The following SLC39A11 variants were observed in gnomAD, a reference collection of about 807,000 sequenced individuals.
The protein encoded by SLC39A11 is zinc transporter ZIP11.
In SLC39A11, 33 loss-of-function variants were observed where a neutral mutation model predicts 36.1. That is an observed-to-expected ratio of 0.91 (90% CI 0.69 to 1.22). SLC39A11 has a LOEUF of 1.22. SLC39A11 is among the 50% of genes most tolerant of loss of function. SLC39A11 has a pLI of 0.00. For missense variants in SLC39A11, 432 were observed against 430.3 expected (o/e 1.00, Z -0.03); for synonymous variants, 166 against 170.3 (o/e 0.97, Z 0.20).
chr17:72,988,082 A>G (rs2088896051), intron 4 of SLC39A11, among the ~76,000 whole-genome samples: 1 of 152,222 alleles, frequency 6.6e-6, no homozygotes. Flanking sequence ...TAAGCACATC[A>G]TGGAGAATGC....
intron 4 of SLC39A11, among the ~76,000 whole-genome samples, chr17:72,966,013 T>C (rs2086946854): frequency 6.6e-6 from 1 of 152,148 alleles, no homozygotes; most frequent in African/African-American, 2.4e-5. Context: ...CCCCATAAGT[T>C]TCCAAGCCAC....
At chr17:72,843,594 C>T (rs76357006) in intron 6 of SLC39A11, among the ~76,000 whole-genome samples, 197 of 152,274 alleles carry the variant, frequency 1.3e-3, no homozygotes, top group African/African-American at 4.6e-3. Context: ...GAGAAGGACC[C>T]TCACCAGAAC....
At chr17:72,964,996 A>G (rs2086864663) in intron 4 of SLC39A11, among the ~76,000 whole-genome samples, 1 of 152,118 alleles carries the variant, frequency 6.6e-6, no homozygotes, top group South Asian at 2.1e-4. Flanking sequence ...GCAAACTATC[A>G]CAAGGACAAA....
intron 3 of SLC39A11, among the ~76,000 whole-genome samples, chr17:73,059,920 T>C (rs926243260): frequency 2.0e-5 from 3 of 151,890 alleles, no homozygotes; most frequent in Non-Finnish European, 4.4e-5. Context: ...AGAAATTTTA[T>C]TGTGATCAGC....
intron 7 of SLC39A11, among the ~76,000 whole-genome samples, chr17:72,652,861 T>C (rs183740499): frequency 2.0e-5 from 3 of 152,314 alleles, no homozygotes; most frequent in Admixed American, 2.0e-4. Flanking sequence ...TCAGATACTG[T>C]GTTCCTATAT....
At chr17:72,904,339 G>A (rs960425974) in intron 5 of SLC39A11, among the ~76,000 whole-genome samples, 1 of 152,182 alleles carries the variant, frequency 6.6e-6, no homozygotes, top group Non-Finnish European at 1.5e-5. Flanking sequence ...GTAATAAAGG[G>A]GAAGGGCATT....
intron 6 of SLC39A11, among the ~76,000 whole-genome samples, chr17:72,737,103 C>A (rs945251335): frequency 6.6e-6 from 1 of 151,966 alleles, no homozygotes; most frequent in African/African-American, 2.4e-5. Context: ...TGGTGAAATC[C>A]CATCTCTACT....
At chr17:73,056,191 C>T (rs1241665154) in intron 3 of SLC39A11, among the ~76,000 whole-genome samples, 1 of 150,580 alleles carries the variant, frequency 6.6e-6, no homozygotes, top group Non-Finnish European at 1.5e-5. Flanking sequence ...TTTTTTGAGA[C>T]GGAGTCTCGC....
intron 6 of SLC39A11, among the ~76,000 whole-genome samples, chr17:72,749,980 T>C (rs1273375087): frequency 1.3e-5 from 2 of 152,066 alleles, no homozygotes; most frequent in African/African-American, 4.8e-5. Flanking sequence ...AGACACAGGC[T>C]CCATTGGCCC....
intron 6 of SLC39A11, among the ~76,000 whole-genome samples, chr17:72,782,703 A>C (rs1480180262): frequency 6.9e-6 from 1 of 145,736 alleles, no homozygotes; most frequent in Admixed American, 6.7e-5. Flanking sequence ...AAAAAAAAAA[A>C]AAAAAAAAAA....
chr17:72,905,728 G>T (rs1356287752), intron 5 of SLC39A11, among the ~76,000 whole-genome samples: 1 of 151,466 alleles, frequency 6.6e-6, no homozygotes, highest in Non-Finnish European at 1.5e-5. Flanking sequence ...CCCTGCAACT[G>T]CCACTCCTGG....
At chr17:72,659,408 T>C (rs1023574333) in intron 7 of SLC39A11, among the ~76,000 whole-genome samples, 2 of 152,058 alleles carry the variant, frequency 1.3e-5, no homozygotes, top group African/African-American at 2.4e-5. Flanking sequence ...GAAATGCATT[T>C]CATCCAGAAA....
chr17:73,055,788 C>A (rs1166904602), intron 3 of SLC39A11, among the ~76,000 whole-genome samples: 1 of 152,084 alleles, frequency 6.6e-6, no homozygotes, highest in Admixed American at 6.6e-5. Context: ...AGCTGAGCGT[C>A]AGTCAATCAT....
chr17:72,770,308 G>C (rs1480476796), intron 6 of SLC39A11, among the ~76,000 whole-genome samples: 1 of 152,224 alleles, frequency 6.6e-6, no homozygotes, highest in East Asian at 1.9e-4. Context: ...TTTCCAGGGG[G>C]CTGGGAAGGT....
chr17:73,081,689 G>GTA lies in SLC39A11; in HGVS notation c.147+3117_147+3118dup, dbSNP rs1347520174. ...CACACACATATATATACACATATATGTATATATGTATGTATATATATACAC... is the reference window on the plus strand; with the variant it reads ...CACACACATATATATACACATATATGTATATATATGTATGTATATATATACAC... On this transcript the variant is annotated intron_variant, in intron 3 of 9. Coordinates refer to ENST00000255559, the MANE Select transcript of SLC39A11 (RefSeq NM_139177.4). Among the ~76,000 whole-genome samples the GTA allele has an allele frequency of 8.3e-3, 1,140 of 136,538 alleles. 21 individuals are homozygous for GTA. Among genetic ancestry groups the GTA allele is most frequent in the South Asian group, 0.057 (245 of 4,332 alleles). 89.6% of individuals were successfully genotyped at this position (136,538 alleles called of 152,430 possible). A position where few individuals can be genotyped will look rare whatever the true frequency, so the allele number is the denominator to read the frequency against.
rs2075399445 is a variant in SLC39A11, at chr17:72,757,505, G to A, written c.602-20786C>T. On this transcript the variant is annotated intron_variant, in intron 6 of 9. Coordinates refer to ENST00000255559, the MANE Select transcript of SLC39A11 (RefSeq NM_139177.4). ...TGGTCCAGGGGTTGGGGCTGCCTAT[G>A]GTCGAGAGGACAGTTTCGGTTGTGG... 2.0e-5 allele frequency among the ~76,000 whole-genome samples: 3 copies of A among 152,184 alleles called. No homozygotes were observed. In the South Asian group the frequency reaches 6.2e-4, roughly 31 times the overall value.
Position 72,735,498 on chromosome 17 carries a change from G to A in SLC39A11, c.671+1152C>T, listed in dbSNP as rs572727582. On this transcript the variant is annotated intron_variant, in intron 7 of 9. Transcript: ENST00000255559. ...GGGAGAATATTTTGGGACTGCATCA[G>A]TCTGAAGACAGTGAATGAGCTCCAA... is the stretch of plus-strand genomic sequence containing the variant. 5.3e-5 allele frequency among the ~76,000 whole-genome samples: 8 copies of A among 152,312 alleles called. No homozygotes were observed. The East Asian group carries it at 1.5e-3, about 29-fold the overall frequency.
At position 72,887,815 on chromosome 17, in the gene SLC39A11, C is replaced by T. The variant is rs558188860; in HGVS notation, c.431-38011G>A. On this transcript the variant is annotated intron_variant, in intron 5 of 9. Coordinates refer to ENST00000255559, the MANE Select transcript of SLC39A11 (RefSeq NM_139177.4). Reference sequence around the variant, plus strand: ...AAAAAAAAAATTGCTTATTAAAGTGCCATCTCTCCTCAGCAGATCTCTGCT... The same window carrying T: ...AAAAAAAAAATTGCTTATTAAAGTGTCATCTCTCCTCAGCAGATCTCTGCT... Among the ~76,000 whole-genome samples the T allele has an allele frequency of 4.6e-5, 7 of 152,290 alleles. No individual in the cohort carries two copies. In the East Asian group the frequency reaches 1.3e-3, roughly 29 times the overall value.
chr17:72,909,372 C>A (rs2082842293), intron 5 of SLC39A11, among the ~76,000 whole-genome samples: 1 of 152,218 alleles, frequency 6.6e-6, no homozygotes, highest in South Asian at 2.1e-4. Flanking sequence ...TCTTGCACTT[C>A]AGAAACACAT....
Sources: gnomAD v4.1 joint callset for allele counts (sites outside exome capture counted in the v4.1 genomes callset) on GRCh38, gnomAD v4.1.1 for gene constraint, MANE v1.5 for transcripts, NCBI Gene and HGNC (gene_info 2026-07-23, HGNC 2026-07-21) for gene names.